The following SDK1 variants were observed in gnomAD, a reference collection of about 807,000 sequenced individuals.
SDK1 encodes the protein protein sidekick-1.
In SDK1, 157 loss-of-function variants were observed where a neutral mutation model predicts 245.5. The observed-to-expected ratio is 0.64, with a 90% CI of 0.56 to 0.73. SDK1 has a LOEUF of 0.73. SDK1 is among the 30% of genes least tolerant of loss of function. The pLI is 0.00. For missense variants in SDK1, 3,583 were observed against 3,002.3 expected, an observed-to-expected ratio of 1.19 and a Z score of -4.52; for synonymous variants, 1,647 against 1,278.5, an observed-to-expected ratio of 1.29 and a Z score of -6.15.
At chr7:3,712,706 C>A (rs1244911778) in intron 4 of SDK1, among the ~76,000 whole-genome samples, 1 of 152,162 alleles carries the variant, frequency 6.6e-6, no homozygotes, top group Non-Finnish European at 1.5e-5. Flanking sequence ...ATTTACTGGG[C>A]AGTAGTTACC....
intron 31 of SDK1, 97 bp downstream of exon 31, chr7:4,158,648 C>G (rs578188812): frequency 3.7e-6 from 3 of 819,784 alleles, no homozygotes; most frequent in South Asian, 3.0e-5. Context: ...AAGGGGCCAC[C>G]AGGGAGTGGT....
At chr7:3,929,951 C>G (rs933915394) in intron 5 of SDK1, among the ~76,000 whole-genome samples, 1 of 152,142 alleles carries the variant, frequency 6.6e-6, no homozygotes, top group African/African-American at 2.4e-5. Context: ...CGGCGTGTCA[C>G]GTTCCTGAAA....
intron 1 of SDK1, among the ~76,000 whole-genome samples, chr7:3,382,326 A>G (rs771876320): frequency 1.5e-4 from 23 of 152,184 alleles, no homozygotes; most frequent in Admixed American, 1.5e-3. Flanking sequence ...AACATGTTCT[A>G]GATCACGTGG....
chr7:4,114,874 G>A (rs1345989617), intron 25 of SDK1, among the ~76,000 whole-genome samples: 1 of 152,196 alleles, frequency 6.6e-6, no homozygotes, highest in Non-Finnish European at 1.5e-5. Context: ...GACCTCTTCA[G>A]ACCTGTTCAG....
chr7:4,120,575 A>G (rs1427594618), intron 25 of SDK1, among the ~76,000 whole-genome samples: 1 of 149,046 alleles, frequency 6.7e-6, no homozygotes, highest in Non-Finnish European at 1.5e-5. Flanking sequence ...AAAAATGAAG[A>G]CAATTTAATC....
At chr7:4,217,650 G>A (rs529561159) in intron 38 of SDK1, among the ~76,000 whole-genome samples, 31 of 151,620 alleles carry the variant, frequency 2.0e-4, no homozygotes, top group Non-Finnish European at 4.0e-4. Context: ...GGAGCACCAG[G>A]CCACTTGAGC....
chr7:3,825,747 G>T (rs1779758696), intron 5 of SDK1, among the ~76,000 whole-genome samples: 1 of 152,180 alleles, frequency 6.6e-6, no homozygotes, highest in Non-Finnish European at 1.5e-5. Context: ...TCAGAGGACT[G>T]CCCTGTAAAA....
chr7:3,631,840 T>C (rs1364239529), intron 2 of SDK1, among the ~76,000 whole-genome samples: 1 of 152,244 alleles, frequency 6.6e-6, no homozygotes, highest in Non-Finnish European at 1.5e-5. Flanking sequence ...TGTAACATAA[T>C]TCATTGTTGA....
intron 1 of SDK1, among the ~76,000 whole-genome samples, chr7:3,378,661 TTC>T (rs1781410472): frequency 6.6e-6 from 1 of 152,040 alleles, no homozygotes; most frequent in Non-Finnish European, 1.5e-5. Context: ...GGCTTGGTGT[TTC>T]TTGTATTTCT....
intron 1 of SDK1, among the ~76,000 whole-genome samples, chr7:3,542,434 G>A (rs1779079408): frequency 6.6e-6 from 1 of 152,088 alleles, no homozygotes; most frequent in Admixed American, 6.6e-5. Flanking sequence ...TTTCTCCCAG[G>A]CTCCTGGGCT....
At chr7:4,237,969 G>A (rs1786284902) in intron 42 of SDK1, among the ~76,000 whole-genome samples, 185 bp downstream of exon 42, 1 of 152,162 alleles carries the variant, frequency 6.6e-6, no homozygotes, top group Non-Finnish European at 1.5e-5. Flanking sequence ...AACGCTCTAT[G>A]CCTCGGGACC....
At chr7:3,566,871 A>C (rs1256061122) in intron 1 of SDK1, among the ~76,000 whole-genome samples, 1 of 152,182 alleles carries the variant, frequency 6.6e-6, no homozygotes, top group Non-Finnish European at 1.5e-5. Context: ...TCGAAGCAGT[A>C]AAATGATATC....
intron 1 of SDK1, among the ~76,000 whole-genome samples, chr7:3,483,182 CT>C (rs1181641254): frequency 6.6e-6 from 1 of 152,102 alleles, no homozygotes; most frequent in East Asian, 1.9e-4. Context: ...TTATAGATTA[CT>C]TTGTTAAAAA....
At chr7:4,186,178 C>A (rs1782883818) in intron 35 of SDK1, among the ~76,000 whole-genome samples, 3 of 152,238 alleles carry the variant, frequency 2.0e-5, no homozygotes, top group Admixed American at 2.0e-4. Context: ...ATTTATGAAT[C>A]CACGCTGACC....
intron 4 of SDK1, among the ~76,000 whole-genome samples, chr7:3,784,487 A>G (rs1038742263): frequency 1.4e-4 from 21 of 152,100 alleles, no homozygotes; most frequent in African/African-American, 4.1e-4. Context: ...TCCAAAATAT[A>G]TAAGAAGCTC....
At chr7:4,001,642 G>C (rs1785081012) in intron 14 of SDK1, among the ~76,000 whole-genome samples, 1 of 152,210 alleles carries the variant, frequency 6.6e-6, no homozygotes, top group Non-Finnish European at 1.5e-5. Flanking sequence ...TGAGCTTGTA[G>C]ACCTTTATGG....
At chr7:3,540,382 G>A (rs1013475247) in intron 1 of SDK1, among the ~76,000 whole-genome samples, 3 of 152,194 alleles carry the variant, frequency 2.0e-5, no homozygotes, top group Admixed American at 2.0e-4. Flanking sequence ...ACTGCAGTCT[G>A]GGTGAAAGAG....
At position 3,358,557 on chromosome 7, in the gene SDK1, C is replaced by T. The variant is rs73292198; in HGVS notation, c.298+56673C>T. Among the ~76,000 whole-genome samples the T allele has an allele frequency of 8.3e-3, 1,268 of 152,102 alleles. 22 individuals carry two copies. Among genetic ancestry groups the T allele is most frequent in the African/African-American group, 0.029 (1,192 of 41,504 alleles). On this transcript the variant is annotated intron_variant, in intron 1 of 44. Coordinates refer to ENST00000404826, the MANE Select transcript of SDK1 (RefSeq NM_152744.4). ...GCCATCATTACATTGTTCACGCTTA[C>T]AGCATAAGTTAAGGTAGGACTCAAA... is the stretch of plus-strand genomic sequence containing the variant.
Position 3,642,034 on chromosome 7 carries a change from C to T in SDK1, c.642C>T (p.Pro214=), listed in dbSNP as rs1187489842. 10 of 1,613,870 alleles carry T rather than the reference C, an allele frequency of 6.2e-6. No individual in the cohort carries two copies. Among genetic ancestry groups the T allele is most frequent in the South Asian group, 1.1e-5 (1 of 91,070 alleles). Residue 214 remains proline, a synonymous_variant, in exon 4 of 45, where the codon CCC becomes CCT. Transcript: ENST00000404826. ...QGRAAILNLL[P]ITSYPRPQVT... ...GTGCAGCGATTCTAAACCTGCTGCC[C>T]ATCACCAGCTACCCCAGACCTCAAG...
Sources: allele counts gnomAD v4.1 joint callset (sites outside exome capture counted in the v4.1 genomes callset), GRCh38; gene constraint gnomAD v4.1.1; transcripts MANE v1.5; gene names NCBI Gene and HGNC (gene_info 2026-07-23, HGNC 2026-07-21).